DNMT3A: variants seen among roughly 807,000 people sequenced by gnomAD.
DNMT3A encodes DNA methyltransferase 3 alpha.
Under a neutral mutation model 117.6 loss-of-function variants are expected in DNMT3A, and 267 were observed. The ratio of observed to expected loss-of-function variants is 2.27; its 90% CI spans 2.05 to 2.51. DNMT3A has a LOEUF of 2.51. Ranked by LOEUF, DNMT3A falls within the 30% of genes most tolerant of loss-of-function variation. The pLI is 0.00. For synonymous variants in DNMT3A, 432 were observed against 474.8 expected (o/e 0.91, Z 1.17); for missense variants, 1,029 against 1,260.2 (o/e 0.82, Z 2.78).
In DNMT3A at chr2:25,282,969, C is replaced by T. The variant is rs2031998392; in HGVS notation, c.178-258G>A. Among the ~76,000 whole-genome samples, 1 of 152,144 alleles carries T rather than the reference C, an allele frequency of 6.6e-6. No homozygotes were observed. Among genetic ancestry groups the T allele is most frequent in the African/African-American group, 2.4e-5 (1 of 41,408 alleles). On this transcript the variant is annotated intron_variant, in intron 3 of 22. Transcript: ENST00000321117. This position sits in a 1 kb window ranked among gnomAD's most constrained non-coding sequence, Gnocchi z 5.2. ...AGGAAAAGAATCCAAGCAGGTTTGC[C>T]AGCCTGGTTGCACTTCTCAAGGGAT...
intron 16 of DNMT3A, among the ~76,000 whole-genome samples, chr2:25,242,950 G>A (rs1036360422): frequency 1.3e-5 from 2 of 152,162 alleles, no homozygotes; most frequent in Non-Finnish European, 2.9e-5. Context: ...ACCTAATAGG[G>A]GTTCGTTAAA....
At chr2:25,328,788 C>T (rs1416532951) in intron 1 of DNMT3A, 1 of 455,920 alleles carries the variant, frequency 2.2e-6, no homozygotes, top group African/African-American at 2.0e-5. Context: ...TTTGCAGGAG[C>T]TCCGAGGGCA....
At chr2:25,267,530 TGCCATTGTACTCCA>T (rs2030468700) in intron 6 of DNMT3A, among the ~76,000 whole-genome samples, 1 of 152,228 alleles carries the variant, frequency 6.6e-6, no homozygotes, top group Admixed American at 6.5e-5. Context: ...GCCATGATCA[TGCCATTGTACTCCA>T]GCCTGGCCAA....
chr2:25,259,394 TCACTGAGCAGGG>T (rs1676423451), intron 6 of DNMT3A, among the ~76,000 whole-genome samples: 1 of 152,316 alleles, frequency 6.6e-6, no homozygotes, highest in Middle Eastern at 3.4e-3. Context: ...GCCAGGTCTT[TCACTGAGCAGGG>T]CGCTGAGCAG....
chr2:25,264,390 T>C (rs1370364019), intron 6 of DNMT3A, among the ~76,000 whole-genome samples: 2 of 152,134 alleles, frequency 1.3e-5, no homozygotes, highest in East Asian at 3.9e-4. Flanking sequence ...TCCACCCGCC[T>C]TGGCCTCCCA....
Position 25,247,164 on chromosome 2 carries a change from GGGACAAGC to G in DNMT3A, c.1015-14_1015-7del. 1 of 1,613,422 alleles carries G rather than the reference GGGACAAGC, an allele frequency of 6.2e-7. No homozygotes were observed. The highest frequency in any genetic ancestry group is 1.3e-5 in the African/African-American group (1 of 74,996). ...ATCAGCTTCTCAACACACACCTGGG[GGGACAAGC>G]CAGGCCTTGTTTGCCGAGGCTTACA... On this transcript the variant is annotated splice_region_variant and splice_polypyrimidine_tract_variant and intron_variant, in intron 8 of 22. Transcript: ENST00000321117. The surrounding 1 kb of genome is among the most constrained non-coding windows in gnomAD (Gnocchi z 5.6).
rs572846124 is a variant in DNMT3A, at chr2:25,278,165, T to C, written c.449-2622A>G. Among the ~76,000 whole-genome samples, 7 of 152,310 alleles carry C rather than the reference T, an allele frequency of 4.6e-5. No homozygotes were observed. The South Asian group carries it at 1.2e-3, about 27-fold the overall frequency. On this transcript the variant is annotated intron_variant, in intron 4 of 22. Coordinates refer to ENST00000321117, the MANE Select transcript of DNMT3A (RefSeq NM_022552.5). Reference sequence around the variant, plus strand: ...AACTGCTCCTGGCCCAGGCCCAGGGTCACCGCCAGGGCCAGGTGGTTGTGA... The same window carrying C: ...AACTGCTCCTGGCCCAGGCCCAGGGCCACCGCCAGGGCCAGGTGGTTGTGA...
chr2:25,275,512 G>A lies in DNMT3A; in HGVS notation c.480C>T (p.Ser160=), dbSNP rs368743973. 3.7e-5 allele frequency: 58 copies of A among 1,586,474 alleles called. No homozygotes were observed. Among genetic ancestry groups the A allele is most frequent in the Non-Finnish European group, 4.3e-5 (50 of 1,171,280 alleles). Residue 160 remains serine (S), a synonymous_variant, in exon 5 of 23, where the codon TCC becomes TCT. Coordinates refer to ENST00000321117, the MANE Select transcript of DNMT3A (RefSeq NM_022552.5). ...GKEQKETNIE[S]MKMEGSRGRL... ...GTGGAACACTTGCCTCCATTTTCAT[G>A]GATTCGATGTTGGTCTCCTTCTGTT...
At chr2:25,338,093 G>A (rs935766420) in intron 1 of DNMT3A, among the ~76,000 whole-genome samples, 1 of 152,228 alleles carries the variant, frequency 6.6e-6, no homozygotes, top group African/African-American at 2.4e-5. Context: ...CGAGCACCAA[G>A]TCCAGGACCC....
chr2:25,299,904 C>A (rs2033331932), intron 3 of DNMT3A, among the ~76,000 whole-genome samples: 1 of 152,126 alleles, frequency 6.6e-6, no homozygotes, highest in African/African-American at 2.4e-5. Context: ...GCACTCCAGC[C>A]TGGGCAACAG....
At position 25,236,912 on chromosome 2, in the gene DNMT3A, G is replaced by C. The variant is rs1475970693; in HGVS notation, c.2478+24C>G. The C allele has an allele frequency of 3.1e-6, 5 of 1,606,048 alleles. No homozygotes were observed. Among genetic ancestry groups the C allele is most frequent in the Non-Finnish European group, 4.2e-6 (5 of 1,176,640 alleles). ...CCTTCCTTCTCCCTGCCCCCCAGCAGAGGTTCTAGACGCTGGAGCTGACCT... is the reference window on the plus strand; with the variant it reads ...CCTTCCTTCTCCCTGCCCCCCAGCACAGGTTCTAGACGCTGGAGCTGACCT... On this transcript the variant is annotated intron_variant, in intron 21 of 22. Transcript: ENST00000321117. The surrounding 1 kb of genome is among the most constrained non-coding windows in gnomAD (Gnocchi z 4.5).
At position 25,339,641 on chromosome 2, in the gene DNMT3A, C is replaced by G. The variant is rs893911042; in HGVS notation, c.-178+2185G>C. Among the ~76,000 whole-genome samples the G allele has an allele frequency of 6.6e-6, 1 of 152,160 alleles. No individual in the cohort carries two copies. The highest frequency in any genetic ancestry group is 2.4e-5 in the African/African-American group (1 of 41,444). ...CCACCTGTCACAGCCCAAGCAGGGC[C>G]TCGGTAGAACCTGGAGGCAGAGGGG... On this transcript the variant is annotated intron_variant, in intron 1 of 22. Transcript: ENST00000321117. This position sits in a 1 kb window ranked among gnomAD's most constrained non-coding sequence, Gnocchi z 4.9.
intron 2 of DNMT3A, among the ~76,000 whole-genome samples, chr2:25,313,453 C>A (rs1032971851): frequency 3.3e-5 from 5 of 152,208 alleles, no homozygotes; most frequent in African/African-American, 1.2e-4. Context: ...GGTGGGCCCC[C>A]GCGGCCTCGT....
chr2:25,340,087 C>T (rs1195524844), intron 1 of DNMT3A, among the ~76,000 whole-genome samples: 1 of 152,256 alleles, frequency 6.6e-6, no homozygotes, highest in African/African-American at 2.4e-5. Flanking sequence ...GCTTCTGTCC[C>T]CGCTGGTTTG....
At chr2:25,326,007 A>T (rs1298888935) in intron 1 of DNMT3A, among the ~76,000 whole-genome samples, 1 of 152,182 alleles carries the variant, frequency 6.6e-6, no homozygotes, top group African/African-American at 2.4e-5. Flanking sequence ...TGGGATAAGA[A>T]GACAATGAAG....
intron 3 of DNMT3A, among the ~76,000 whole-genome samples, chr2:25,292,443 A>G (rs1475454483): frequency 6.6e-6 from 1 of 152,192 alleles, no homozygotes; most frequent in Non-Finnish European, 1.5e-5. Context: ...TTCTGTTTTC[A>G]ATTTCTGCCA....
chr2:25,291,954 T>G (rs1477595098), intron 3 of DNMT3A, among the ~76,000 whole-genome samples: 2 of 152,166 alleles, frequency 1.3e-5, no homozygotes, highest in Non-Finnish European at 2.9e-5. Flanking sequence ...GGAGGCTCCC[T>G]TTAAAAAGCC....
In DNMT3A at chr2:25,244,580, C is replaced by T. The variant is rs752222356; in HGVS notation, c.1627G>A (p.Gly543Ser). The T allele has an allele frequency of 6.2e-7, 1 of 1,614,138 alleles. No homozygotes were observed. The highest frequency in any genetic ancestry group is 8.5e-7 in the Non-Finnish European group (1 of 1,179,978). Residue 543 changes from glycine to serine, a missense_variant, in exon 14 of 23, where the codon GGC becomes AGC. Physicochemically the swap from Gly to Ser is moderately conservative, Grantham distance 56. Transcript: ENST00000321117. ...YQSYCTICCGGREVLMCGNNN... is the reference protein window; with the variant it reads ...YQSYCTICCGSREVLMCGNNN... ...TTTCCGCACATGAGCACCTCACGGC[C>T]CCCACAGCAGATGGTGCAGTAGGAC...
chr2:25,246,046 A>G lies in DNMT3A; in HGVS notation c.1448T>C (p.Val483Ala), dbSNP rs747281687. Residue 483 changes from valine (V) to alanine (A), a missense_variant, in exon 12 of 23, where the codon GTG becomes GCG. Val to Ala is a moderately conservative substitution (Grantham distance 64, BLOSUM62 0). Coordinates refer to ENST00000321117, the MANE Select transcript of DNMT3A (RefSeq NM_022552.5). ...ERTRERLVYE[V>A]RQKCRNIEDI... ...CTCAATGTTCCGGCACTTCTGCCGC[A>G]CCTCGTACACCAGCCGCTCTGCAAG... The G allele has an allele frequency of 2.5e-6, 4 of 1,613,304 alleles. No individual in the cohort carries two copies. In the African/African-American group the frequency reaches 5.3e-5, roughly 22 times the overall value.
Sources: allele counts gnomAD v4.1 joint callset (sites outside exome capture counted in the v4.1 genomes callset), GRCh38; gene constraint gnomAD v4.1.1; non-coding constraint Gnocchi (gnomAD v3.1); transcripts MANE v1.5; gene names NCBI Gene and HGNC (gene_info 2026-07-23, HGNC 2026-07-21).